TRIP12: variants seen among roughly 807,000 people sequenced by gnomAD.
TRIP12 encodes thyroid hormone receptor interactor 12.
In TRIP12, 25 loss-of-function variants were observed where a neutral mutation model predicts 244.2. That is an observed-to-expected ratio of 0.10 (90% CI 0.07 to 0.14). The LOEUF is 0.14. Ranked by LOEUF, TRIP12 falls within the 10% of genes least tolerant of loss-of-function variation. The pLI is 1.00. For missense variants in TRIP12, 1,677 were observed against 2,486.4 expected (o/e 0.67, Z 6.92); for synonymous variants, 905 against 873.1 (o/e 1.04, Z -0.64).
At chr2:229,829,705 T>A (rs1193196592) in intron 7 of TRIP12, among the ~76,000 whole-genome samples, 1 of 152,036 alleles carries the variant, frequency 6.6e-6, no homozygotes, top group African/African-American at 2.4e-5. Flanking sequence ...TCCCAGCACT[T>A]TGGGAGGCCG....
chr2:229,777,539 T>C, intron 36 of TRIP12, 60 bp from the exon 37 acceptor site: 1 of 1,546,380 alleles, frequency 6.5e-7, no homozygotes, highest in Non-Finnish European at 8.9e-7. Context: ...ATTACCTCCA[T>C]CTAAGGCACT....
At chr2:229,783,814 A>AC (rs1385656926) in intron 34 of TRIP12, among the ~76,000 whole-genome samples, 5 of 151,434 alleles carry the variant, frequency 3.3e-5, no homozygotes, top group Non-Finnish European at 7.4e-5. Context: ...ATCTTTTAAA[A>AC]AAAAAAAAAA....
intron 39 of TRIP12, among the ~76,000 whole-genome samples, chr2:229,770,483 T>C (rs757958837): frequency 5.3e-5 from 8 of 152,302 alleles, no homozygotes; most frequent in Middle Eastern, 3.4e-3. Context: ...ATCAAAAATT[T>C]ATAGATTTAA....
intron 1 of TRIP12, among the ~76,000 whole-genome samples, chr2:229,914,827 C>T (rs2075068060): frequency 6.6e-6 from 1 of 152,060 alleles, no homozygotes; most frequent in Admixed American, 6.6e-5. Flanking sequence ...AAATAGCCTT[C>T]AAAAATCCAT....
At chr2:229,846,235 T>C (rs1226139616) in intron 4 of TRIP12, among the ~76,000 whole-genome samples, 4 of 152,180 alleles carry the variant, frequency 2.6e-5, no homozygotes, top group African/African-American at 4.8e-5. Context: ...CATCGCATGC[T>C]ATATTGAAAT....
At chr2:229,791,037 A>G in intron 30 of TRIP12, 87 bp downstream of exon 30, 1 of 1,537,846 alleles carries the variant, frequency 6.5e-7, no homozygotes, top group Non-Finnish European at 8.9e-7. Flanking sequence ...AAATTTTACT[A>G]CTAAATCCAA....
At chr2:229,782,833 T>C (rs73099249) in intron 34 of TRIP12, among the ~76,000 whole-genome samples, 3,044 of 152,260 alleles carry the variant, frequency 0.02, 73 homozygotes, top group African/African-American at 0.067. Context: ...TTTGAGGTTA[T>C]ACTATTATTA....
chr2:229,845,044 G>A (rs1045811841), intron 4 of TRIP12, among the ~76,000 whole-genome samples: 2 of 151,976 alleles, frequency 1.3e-5, no homozygotes, highest in South Asian at 2.1e-4. Flanking sequence ...TTCAAGGACA[G>A]GTATATAACC....
chr2:229,842,705 TAGAC>T (rs1400441302), intron 4 of TRIP12, among the ~76,000 whole-genome samples: 1 of 152,168 alleles, frequency 6.6e-6, no homozygotes, highest in Non-Finnish European at 1.5e-5. Flanking sequence ...GATACAGTAA[TAGAC>T]AGTAGCACAC....
intron 23 of TRIP12, among the ~76,000 whole-genome samples, chr2:229,798,638 A>C (rs1361000152): frequency 1.3e-5 from 2 of 152,220 alleles, no homozygotes; most frequent in Non-Finnish European, 2.9e-5. Flanking sequence ...TGAACGTATA[A>C]GACTTTCAGC....
At chr2:229,882,856 A>T (rs938042089) in intron 1 of TRIP12, among the ~76,000 whole-genome samples, 1 of 152,228 alleles carries the variant, frequency 6.6e-6, no homozygotes, top group Non-Finnish European at 1.5e-5. Flanking sequence ...GTGCTGGTCA[A>T]CCAGCACCAT....
intron 38 of TRIP12, among the ~76,000 whole-genome samples, chr2:229,773,392 G>A (rs2035167939): frequency 6.6e-6 from 1 of 152,030 alleles, no homozygotes; most frequent in African/African-American, 2.4e-5. Flanking sequence ...ATATATGTAT[G>A]TATTTTTAAG....
intron 34 of TRIP12, among the ~76,000 whole-genome samples, chr2:229,782,180 A>G (rs1574905105): frequency 1.3e-5 from 2 of 152,144 alleles, no homozygotes; most frequent in Non-Finnish European, 1.5e-5. Flanking sequence ...ATGCACCAAC[A>G]TATAAGAATC....
chr2:229,846,849 C>G (rs1435270011), intron 4 of TRIP12, among the ~76,000 whole-genome samples: 19 of 152,192 alleles, frequency 1.2e-4, no homozygotes, highest in Non-Finnish European at 7.4e-5. Context: ...ACTGATTTGT[C>G]AATATGAATT....
chr2:229,859,665 G>A, intron 3 of TRIP12, 91 bp from the exon 4 acceptor site: 3 of 1,345,382 alleles, frequency 2.2e-6, no homozygotes, highest in Non-Finnish European at 3.0e-6. Flanking sequence ...GTATGAATAT[G>A]TTCCTACTAA....
chr2:229,812,045 C>T (rs1410567732), intron 13 of TRIP12, among the ~76,000 whole-genome samples: 1 of 152,098 alleles, frequency 6.6e-6, no homozygotes, highest in Non-Finnish European at 1.5e-5. Context: ...AGAGAACACG[C>T]TTTTAGACTA....
At chr2:229,806,890 G>A (rs1380979506) in intron 17 of TRIP12, among the ~76,000 whole-genome samples, 1 of 152,192 alleles carries the variant, frequency 6.6e-6, no homozygotes, top group African/African-American at 2.4e-5. Flanking sequence ...ATCAAAGATT[G>A]AAATTAGAAA....
chr2:229,895,831 A>G (rs1431055059), intron 1 of TRIP12, among the ~76,000 whole-genome samples: 1 of 152,146 alleles, frequency 6.6e-6, no homozygotes, highest in Non-Finnish European at 1.5e-5. Flanking sequence ...AATAAAAGAC[A>G]TCTAAACCCA....
In TRIP12 at chr2:229,765,569, G is replaced by A. The variant is rs2031484910; in HGVS notation, c.*1985C>T. ...GGAATCAATGAGGCCAAATTTGCCA[G>A]GGCTGCAACATGGATAAAATGTCAA... On this transcript the variant is annotated 3_prime_UTR_variant, in exon 42 of 42. Transcript: ENST00000675903. 1 of 152,274 alleles carries A rather than the reference G, an allele frequency of 6.6e-6. No individual in the cohort carries two copies. The highest frequency in any genetic ancestry group is 1.9e-4 in the East Asian group (1 of 5,188). The allele number at this position is 152,274 out of a possible 1,614,324, so 9.4% of individuals were successfully genotyped here. A position where few individuals can be genotyped will look rare whatever the true frequency, so the allele number is the denominator to read the frequency against.
Sources: allele counts gnomAD v4.1 joint callset (sites outside exome capture counted in the v4.1 genomes callset), GRCh38; gene constraint gnomAD v4.1.1; transcripts MANE v1.5; gene names NCBI Gene and HGNC (gene_info 2026-07-23, HGNC 2026-07-21).